FUT8: variants seen among roughly 807,000 people sequenced by gnomAD.
The protein encoded by FUT8 is fucosyltransferase 8.
FUT8 carries 29 observed loss-of-function variants against 71.3 expected under a neutral mutation model. That is an observed-to-expected ratio of 0.41 (90% confidence interval 0.30 to 0.55). The LOEUF is 0.55. Ranked by LOEUF, FUT8 falls within the 20% of genes least tolerant of loss-of-function variation. The pLI, the probability that FUT8 is intolerant of heterozygous loss-of-function variation, is 0.34. For missense variants in FUT8, 544 were observed against 702.1 expected, an observed-to-expected ratio of 0.77 and a Z score of 2.55; for synonymous variants, 254 against 239.3, an observed-to-expected ratio of 1.06 and a Z score of -0.57.
At chr14:65,572,745 G>A (rs573365937) in intron 3 of FUT8, among the ~76,000 whole-genome samples, 1 of 152,250 alleles carries the variant, frequency 6.6e-6, no homozygotes, top group South Asian at 2.1e-4. Context: ...GGAGTAATGA[G>A]GACATAACAG....
chr14:65,706,356 T>C (rs1894551228), intron 7 of FUT8, among the ~76,000 whole-genome samples: 1 of 152,196 alleles, frequency 6.6e-6, no homozygotes, highest in Admixed American at 6.5e-5. Context: ...ATATTTTGCT[T>C]GATGTGCCTC....
intron 7 of FUT8, among the ~76,000 whole-genome samples, chr14:65,676,714 T>C (rs185652840): frequency 2.4e-4 from 37 of 152,064 alleles, no homozygotes; most frequent in African/African-American, 8.2e-4. Flanking sequence ...TCAGTCACAG[T>C]TGACCTTCAA....
At chr14:65,544,071 T>C (rs1428001594) in intron 2 of FUT8, among the ~76,000 whole-genome samples, 1 of 152,108 alleles carries the variant, frequency 6.6e-6, no homozygotes, top group Non-Finnish European at 1.5e-5. Context: ...TTGATACTAG[T>C]TGTCAGGGGC....
intron 2 of FUT8, among the ~76,000 whole-genome samples, chr14:65,486,472 T>C (rs927107421): frequency 1.3e-5 from 2 of 152,152 alleles, no homozygotes; most frequent in African/African-American, 2.4e-5. Context: ...GGTGAACATA[T>C]AGGAAGAGGT....
chr14:65,710,182 T>C (rs1894745306), intron 7 of FUT8, among the ~76,000 whole-genome samples: 1 of 152,162 alleles, frequency 6.6e-6, no homozygotes. Flanking sequence ...TTTATATTTA[T>C]GGTTAACATC....
chr14:65,712,358 T>C (rs754785333), intron 7 of FUT8, among the ~76,000 whole-genome samples: 3 of 152,230 alleles, frequency 2.0e-5, no homozygotes, highest in Non-Finnish European at 4.4e-5. Context: ...TAGCATCTAG[T>C]CTCTGAACTT....
At chr14:65,687,283 C>G (rs1893337272) in intron 7 of FUT8, among the ~76,000 whole-genome samples, 2 of 152,020 alleles carry the variant, frequency 1.3e-5, no homozygotes, top group African/African-American at 4.8e-5. Flanking sequence ...CTCAGTTATT[C>G]TTTCCAGAAA....
intron 7 of FUT8, among the ~76,000 whole-genome samples, chr14:65,693,296 G>A (rs1189774835): frequency 1.3e-5 from 2 of 152,260 alleles, no homozygotes. Flanking sequence ...CTCGCGGTTA[G>A]GAGCTGGAGA....
intron 7 of FUT8, among the ~76,000 whole-genome samples, chr14:65,685,761 T>A (rs1282934016): frequency 2.0e-5 from 3 of 152,214 alleles, no homozygotes; most frequent in Non-Finnish European, 4.4e-5. Context: ...AACTTCATGA[T>A]GTTGCCATGG....
At chr14:65,617,115 T>C in intron 5 of FUT8, 1 of 1,599,244 alleles carries the variant, frequency 6.3e-7, no homozygotes, top group Non-Finnish European at 8.5e-7. Context: ...TACTGTCTCA[T>C]TAGTGAACAA....
rs1340862953 is a variant in FUT8 at position 65,467,374 on chromosome 14, TGCAACCACTGCCTCCCG to T, written c.-228+11658_-228+11674del. On this transcript the variant is annotated intron_variant, in intron 2 of 10. Transcript: ENST00000673929. This position sits in a 1 kb window ranked among gnomAD's most constrained non-coding sequence, Gnocchi z 4.1. ...GTGCAGTGGCACGATCTTGGCTCAC[TGCAACCACTGCCTCCCG>T]GGTTCAAGCGATTCTCCTGCCTCAG... 6.6e-6 allele frequency among the ~76,000 whole-genome samples: 1 copy of T among 152,196 alleles called. No homozygotes were observed. Among genetic ancestry groups the T allele is most frequent in the Non-Finnish European group, 1.5e-5 (1 of 68,018 alleles).
intron 1 of FUT8, among the ~76,000 whole-genome samples, chr14:65,447,916 T>A (rs1430263659): frequency 6.6e-6 from 1 of 152,218 alleles, no homozygotes; most frequent in Admixed American, 6.5e-5. Context: ...TGCCAGAATG[T>A]GTTTCTTGAA....
intron 3 of FUT8, among the ~76,000 whole-genome samples, chr14:65,596,302 C>T (rs1250006899): frequency 1.3e-5 from 2 of 152,140 alleles, no homozygotes; most frequent in Admixed American, 6.6e-5. Flanking sequence ...ATAAAAACTA[C>T]ATCTTTTTAT....
At chr14:65,679,478 A>G (rs1176020437) in intron 7 of FUT8, among the ~76,000 whole-genome samples, 1 of 152,228 alleles carries the variant, frequency 6.6e-6, no homozygotes. Flanking sequence ...CCTGTCATAA[A>G]TGACCATCTT....
At position 65,524,353 on chromosome 14, in the gene FUT8, C is replaced by T. The variant is rs149509903; in HGVS notation, c.-227-36984C>T. Among the ~76,000 whole-genome samples, 872 of 152,228 alleles carry T rather than the reference C, an allele frequency of 5.7e-3. 29 individuals carry two copies. In the East Asian group the frequency reaches 0.093, roughly 16 times the overall value. ...TGTAGCAATTGTGAATGGGAGTTCA[C>T]CCATGATTTGGCTCTCTGTTTGTCT... On this transcript the variant is annotated intron_variant, in intron 2 of 10. Transcript: ENST00000673929.
chr14:65,499,638 C>T (rs762860176), intron 2 of FUT8, among the ~76,000 whole-genome samples: 1 of 151,720 alleles, frequency 6.6e-6, no homozygotes, highest in South Asian at 2.1e-4. Context: ...ACAAGCGAGG[C>T]CTCATATGTA....
At chr14:65,727,556 C>A (rs1053036036) in intron 9 of FUT8, among the ~76,000 whole-genome samples, 1 of 152,156 alleles carries the variant, frequency 6.6e-6, no homozygotes, top group African/African-American at 2.4e-5. Flanking sequence ...CTAGACTGAA[C>A]ACAGCAGAGG....
At chr14:65,377,760 A>C in the FUT8 span, among the ~76,000 whole-genome samples, 1 of 152,180 alleles carries the variant, frequency 6.6e-6, no homozygotes, top group East Asian at 1.9e-4. Context: ...AGAGGTTTGA[A>C]TCTAGCCTGG....
chr14:65,423,040 C>G (rs1441577502), intron 1 of FUT8, among the ~76,000 whole-genome samples: 2 of 145,494 alleles, frequency 1.4e-5, no homozygotes, highest in Non-Finnish European at 3.0e-5. Flanking sequence ...GGCTGGAGTG[C>G]AGTGGCGCGA....
Sources: gnomAD v4.1 joint callset for allele counts (sites outside exome capture counted in the v4.1 genomes callset) on GRCh38, gnomAD v4.1.1 for gene constraint, Gnocchi (gnomAD v3.1) non-coding constraint, MANE v1.5 for transcripts, NCBI Gene and HGNC (gene_info 2026-07-23, HGNC 2026-07-21) for gene names.